The following ARHGAP15 variants were observed in gnomAD, a reference collection of about 807,000 sequenced individuals.
The protein encoded by ARHGAP15 is Rho GTPase activating protein 15, also known as rho GTPase-activating protein 15.
A neutral mutation model predicts 63.7 loss-of-function variants in ARHGAP15; 51 were observed. That is an observed-to-expected ratio of 0.80 (90% CI 0.64 to 1.01). The LOEUF (loss-of-function observed/expected upper bound fraction) is 1.01, where lower values mean the gene tolerates loss of function less well. ARHGAP15 is among the 50% of genes least tolerant of loss of function. The pLI, the probability that ARHGAP15 is intolerant of heterozygous loss-of-function variation, is 0.00. For missense variants in ARHGAP15, 560 were observed against 564.6 expected (o/e 0.99, Z 0.08); for synonymous variants, 191 against 193.8 (o/e 0.99, Z 0.12).
intron 6 of ARHGAP15, among the ~76,000 whole-genome samples, chr2:143,305,009 A>G (rs1026350486): frequency 1.3e-5 from 2 of 152,224 alleles, no homozygotes. Context: ...TCATTCTACT[A>G]TAAAGACACA....
At chr2:143,324,406 T>C (rs1027599922) in intron 6 of ARHGAP15, among the ~76,000 whole-genome samples, 17 of 152,316 alleles carry the variant, frequency 1.1e-4, no homozygotes, top group African/African-American at 3.6e-4. Flanking sequence ...AAATGACTTG[T>C]ATGTCTGTTT....
intron 1 of ARHGAP15, among the ~76,000 whole-genome samples, chr2:143,150,661 A>G (rs1045204195): frequency 1.3e-5 from 2 of 152,028 alleles, no homozygotes; most frequent in African/African-American, 4.8e-5. Context: ...AGTAAAATCA[A>G]TGGATATCTC....
intron 12 of ARHGAP15, among the ~76,000 whole-genome samples, chr2:143,661,613 G>A (rs1681780495): frequency 6.6e-6 from 1 of 152,204 alleles, no homozygotes; most frequent in Non-Finnish European, 1.5e-5. Flanking sequence ...ACAGCTCCCA[G>A]TGTGAGCGAC....
intron 11 of ARHGAP15, among the ~76,000 whole-genome samples, chr2:143,574,997 A>G (rs79033489): frequency 0.036 from 5,414 of 152,296 alleles, 333 homozygotes; most frequent in African/African-American, 0.12. Flanking sequence ...CTTACAGAGT[A>G]AAATAGATAC....
intron 6 of ARHGAP15, among the ~76,000 whole-genome samples, chr2:143,330,825 A>G (rs1165095716): frequency 6.6e-6 from 1 of 152,234 alleles, no homozygotes; most frequent in Non-Finnish European, 1.5e-5. Flanking sequence ...GTGGATGTCC[A>G]TAGGGAAAGT....
chr2:143,469,969 C>T (rs1040318199), intron 8 of ARHGAP15, among the ~76,000 whole-genome samples: 4 of 151,280 alleles, frequency 2.6e-5, no homozygotes, highest in Non-Finnish European at 5.9e-5. Flanking sequence ...TTTTTTTTCT[C>T]TCTCTCTCTC....
intron 4 of ARHGAP15, among the ~76,000 whole-genome samples, chr2:143,218,760 G>T (rs1054952440): frequency 3.9e-5 from 6 of 152,108 alleles, no homozygotes; most frequent in African/African-American, 1.4e-4. Flanking sequence ...ACTTACACAA[G>T]CCTAGATGGT....
intron 10 of ARHGAP15, among the ~76,000 whole-genome samples, chr2:143,546,589 A>G (rs1162279506): frequency 6.6e-6 from 1 of 152,032 alleles, no homozygotes; most frequent in Non-Finnish European, 1.5e-5. Flanking sequence ...TGCTGTGTAG[A>G]TCTCAGGTTA....
chr2:143,309,177 T>G (rs940123965), intron 6 of ARHGAP15, among the ~76,000 whole-genome samples: 16 of 152,086 alleles, frequency 1.1e-4, no homozygotes, highest in Non-Finnish European at 1.6e-4. Context: ...AATCAACCTT[T>G]TCCCTTCATG....
intron 1 of ARHGAP15, among the ~76,000 whole-genome samples, chr2:143,154,465 G>A (rs1027625245): frequency 5.9e-5 from 9 of 151,770 alleles, no homozygotes; most frequent in Non-Finnish European, 1.2e-4. Flanking sequence ...GATTATATTC[G>A]CTCCCATAAC....
chr2:143,496,142 C>T (rs974012320), intron 9 of ARHGAP15, among the ~76,000 whole-genome samples: 1 of 152,018 alleles, frequency 6.6e-6, no homozygotes, highest in African/African-American at 2.4e-5. Context: ...ATTTATAGTT[C>T]TCAGGCAGTT....
intron 2 of ARHGAP15, among the ~76,000 whole-genome samples, chr2:143,178,476 G>A (rs142667528): frequency 6.6e-6 from 1 of 152,122 alleles, no homozygotes; most frequent in Non-Finnish European, 1.5e-5. Context: ...AGTATCTAAA[G>A]TGACATATAA....
intron 6 of ARHGAP15, among the ~76,000 whole-genome samples, chr2:143,412,199 C>A (rs1481521914): frequency 6.6e-6 from 1 of 152,012 alleles, no homozygotes; most frequent in Non-Finnish European, 1.5e-5. Flanking sequence ...TGGAACAGTT[C>A]GGAAGCTCTA....
chr2:143,371,990 C>G (rs1287606271), intron 6 of ARHGAP15, among the ~76,000 whole-genome samples: 1 of 149,618 alleles, frequency 6.7e-6, no homozygotes, highest in Admixed American at 6.8e-5. Context: ...CCAAATACTA[C>G]CTGTTCCCCA....
intron 6 of ARHGAP15, among the ~76,000 whole-genome samples, chr2:143,323,017 T>C (rs1470960596): frequency 6.6e-6 from 1 of 152,248 alleles, no homozygotes; most frequent in Non-Finnish European, 1.5e-5. Flanking sequence ...AAAGCTTGTA[T>C]CCATCTGTCC....
At chr2:143,605,054 A>C (rs1350800002) in intron 11 of ARHGAP15, among the ~76,000 whole-genome samples, 1 of 152,036 alleles carries the variant, frequency 6.6e-6, no homozygotes, top group Non-Finnish European at 1.5e-5. Flanking sequence ...GATTACAGAT[A>C]TGCACCACCA....
At chr2:143,278,198 C>G (rs1257263584) in intron 6 of ARHGAP15, among the ~76,000 whole-genome samples, 1 of 152,172 alleles carries the variant, frequency 6.6e-6, no homozygotes. Flanking sequence ...CCTTCTCTCA[C>G]TCACGGCTGC....
At chr2:143,756,495 G>A (rs1043075680) in intron 13 of ARHGAP15, among the ~76,000 whole-genome samples, 3 of 152,034 alleles carry the variant, frequency 2.0e-5, no homozygotes, top group Non-Finnish European at 2.9e-5. Flanking sequence ...TCCCCTAAAT[G>A]CAGAGCGATG....
chr2:143,315,198 C>A lies in ARHGAP15; in HGVS notation c.474+64598C>A, dbSNP rs74699448. 7.3e-3 allele frequency among the ~76,000 whole-genome samples: 1,107 copies of A among 152,242 alleles called. 11 individuals are homozygous for A. Among genetic ancestry groups the A allele is most frequent in the African/African-American group, 0.023 (963 of 41,554 alleles). On this transcript the variant is annotated intron_variant, in intron 6 of 13. Coordinates refer to ENST00000295095, the MANE Select transcript of ARHGAP15 (RefSeq NM_018460.4). ...CCTTTCATAAAACAGATTTATGTAA[C>A]TAGCAGATGCTATTAATTGATAATC...
Sources: allele counts gnomAD v4.1 joint callset (sites outside exome capture counted in the v4.1 genomes callset), GRCh38; gene constraint gnomAD v4.1.1; transcripts MANE v1.5; gene names NCBI Gene and HGNC (gene_info 2026-07-23, HGNC 2026-07-21).